The following TVP23A variants were observed in gnomAD, a reference collection of about 807,000 sequenced individuals.
TVP23A encodes the protein trans-golgi network vesicle protein 23 homolog A.
TVP23A carries 21 observed loss-of-function variants against 31.7 expected under a neutral mutation model. The observed-to-expected ratio is 0.66, with a 90% CI of 0.47 to 0.95. The LOEUF (loss-of-function observed/expected upper bound fraction) is 0.95. TVP23A is among the 40% of genes least tolerant of loss of function. The pLI, the probability that TVP23A is intolerant of heterozygous loss-of-function variation, is 0.00. For missense variants in TVP23A, 279 were observed against 255.6 expected, an observed-to-expected ratio of 1.09 and a Z score of -0.62; for synonymous variants, 104 against 96.0, an observed-to-expected ratio of 1.08 and a Z score of -0.49.
At chr16:10,806,479 A>C (rs1216326318) in intron 2 of TVP23A, among the ~76,000 whole-genome samples, 2 of 152,152 alleles carry the variant, frequency 1.3e-5, no homozygotes, top group Non-Finnish European at 2.9e-5. Context: ...GGTCAGCAGA[A>C]ATCACACTTC....
At chr16:10,796,023 A>T (rs2033368387) in intron 2 of TVP23A, among the ~76,000 whole-genome samples, 1 of 152,110 alleles carries the variant, frequency 6.6e-6, no homozygotes, top group East Asian at 1.9e-4. Context: ...ACAGAACAAC[A>T]ACTCGCCTGC....
downstream of TVP23A, among the ~76,000 whole-genome samples, chr16:10,762,854 G>C (rs559946281): frequency 1.3e-5 from 2 of 152,246 alleles, no homozygotes; most frequent in Admixed American, 6.5e-5. Context: ...CTGGAGGCGG[G>C]GAGGGCGGAG....
chr16:10,765,417 G>T (rs372748753), downstream of TVP23A, among the ~76,000 whole-genome samples: 1 of 151,864 alleles, frequency 6.6e-6, no homozygotes, highest in Non-Finnish European at 1.5e-5. This position sits in a 1 kb window ranked among gnomAD's most constrained non-coding sequence, Gnocchi z 4.0. Flanking sequence ...TGAGTTAGCA[G>T]GATCACTTGA....
intron 2 of TVP23A, among the ~76,000 whole-genome samples, chr16:10,817,588 C>A (rs769972579): frequency 6.6e-6 from 1 of 152,230 alleles, no homozygotes. Context: ...GAATAAAACT[C>A]CAAGCTCTCT....
intron 2 of TVP23A, among the ~76,000 whole-genome samples, chr16:10,789,298 T>C (rs1364914270): frequency 5.3e-5 from 8 of 152,112 alleles, no homozygotes; most frequent in African/African-American, 1.2e-4. Flanking sequence ...GAGTGCAGAA[T>C]TCCCCCCCAA....
At chr16:10,760,458 A>T (rs76603015), downstream of TVP23A, among the ~76,000 whole-genome samples, 864 of 152,356 alleles carry the variant, frequency 5.7e-3, 10 homozygotes, top group African/African-American at 0.02. Flanking sequence ...TTAAAAGGTC[A>T]TTTTCAGATA....
At chr16:10,774,573 G>A (rs541410096) in intron 3 of TVP23A, among the ~76,000 whole-genome samples, 67 of 150,290 alleles carry the variant, frequency 4.5e-4, no homozygotes, top group African/African-American at 1.5e-3. Context: ...TTTTTATAAG[G>A]GAAACCCCTC....
At chr16:10,806,383 G>A (rs554684712) in intron 2 of TVP23A, among the ~76,000 whole-genome samples, 2 of 152,168 alleles carry the variant, frequency 1.3e-5, no homozygotes, top group Non-Finnish European at 2.9e-5. Flanking sequence ...CTAGGTCCAT[G>A]CAGTCAAGCT....
At chr16:10,817,850 G>C (rs951548181) in intron 2 of TVP23A, among the ~76,000 whole-genome samples, 3 of 152,106 alleles carry the variant, frequency 2.0e-5, no homozygotes, top group African/African-American at 7.2e-5. Context: ...TCATCACAGG[G>C]CTGATTTTCT....
Position 10,818,778 on chromosome 16 carries a change from G to C in TVP23A, c.-285C>G, listed in dbSNP as rs967963368. On this transcript the variant is annotated 5_prime_UTR_variant, in exon 1 of 8. Transcript: ENST00000299866. This position sits in a 1 kb window ranked among gnomAD's most constrained non-coding sequence, Gnocchi z 4.7. Reference sequence around the variant, plus strand: ...GCAACGGCCTGGGGAACTGCGGACAGAGATAGTGGGAGGAATGGGAGTCGG... The same window carrying C: ...GCAACGGCCTGGGGAACTGCGGACACAGATAGTGGGAGGAATGGGAGTCGG... 6.4e-6 allele frequency: 3 copies of C among 466,356 alleles called. No individual in the cohort carries two copies. The highest frequency in any genetic ancestry group is 1.1e-5 in the Non-Finnish European group (3 of 267,806). The allele number at this position is 466,356 out of a possible 1,614,324, so 28.9% of individuals were successfully genotyped here.
intron 2 of TVP23A, among the ~76,000 whole-genome samples, chr16:10,805,222 G>C (rs889970936): frequency 5.3e-5 from 8 of 151,850 alleles, no homozygotes; most frequent in African/African-American, 1.5e-4. Flanking sequence ...AGTAGAGACA[G>C]GGTTTCACCA....
chr16:10,804,731 G>C (rs549900771), intron 2 of TVP23A, among the ~76,000 whole-genome samples: 1 of 152,250 alleles, frequency 6.6e-6, no homozygotes, highest in South Asian at 2.1e-4. Flanking sequence ...GCGCCACAGA[G>C]CTAGACATTG....
chr16:10,818,243 G>T lies in TVP23A; in HGVS notation c.10-61C>A. 1.3e-6 allele frequency: 1 copy of T among 774,112 alleles called. No individual in the cohort carries two copies. Among genetic ancestry groups the T allele is most frequent in the Non-Finnish European group, 2.0e-6 (1 of 490,698 alleles). 48.0% of individuals were successfully genotyped at this position (774,112 alleles called of 1,614,324 possible). On this transcript the variant is annotated intron_variant, in intron 1 of 7. Coordinates refer to ENST00000299866, the MANE Select transcript of TVP23A (RefSeq NM_001079512.4). This position sits in a 1 kb window ranked among gnomAD's most constrained non-coding sequence, Gnocchi z 4.7. ...CACGGCGCACACCCCAACCCCACCC[G>T]CCCTGTCCTCCTGGGCTTGGACTCC...
chr16:10,777,743 G>A lies in TVP23A; in HGVS notation c.90-2647C>T. ...TAGACAGGATCAAGCCGGGCGTGGT[G>A]GCTCACGCCTGTAATCCCAGCACTT... On this transcript the variant is annotated intron_variant, in intron 2 of 7. Coordinates refer to ENST00000299866, the MANE Select transcript of TVP23A (RefSeq NM_001079512.4). This position sits in a 1 kb window ranked among gnomAD's most constrained non-coding sequence, Gnocchi z 4.5. Among the ~76,000 whole-genome samples, 1 of 152,198 alleles carries A rather than the reference G, an allele frequency of 6.6e-6. No homozygotes were observed. Among genetic ancestry groups the A allele is most frequent in the South Asian group, 2.1e-4 (1 of 4,826 alleles).
chr16:10,791,753 G>A (rs150427509), intron 2 of TVP23A, among the ~76,000 whole-genome samples: 2,614 of 152,232 alleles, frequency 0.017, 33 homozygotes, highest in Middle Eastern at 0.048. Flanking sequence ...GACTACAGGC[G>A]CGTGCCACCA....
intron 2 of TVP23A, among the ~76,000 whole-genome samples, chr16:10,798,535 C>G (rs1596550504): frequency 6.6e-6 from 1 of 152,152 alleles, no homozygotes; most frequent in Non-Finnish European, 1.5e-5. Flanking sequence ...GTCATACCCT[C>G]GTGTAGTCAC....
At chr16:10,776,138 G>A (rs1271504240) in intron 2 of TVP23A, among the ~76,000 whole-genome samples, 1 of 151,666 alleles carries the variant, frequency 6.6e-6, no homozygotes, top group African/African-American at 2.4e-5. Flanking sequence ...ACATTGGGAG[G>A]CCGAGGCGGG....
chr16:10,808,459 C>G (rs187599508), intron 2 of TVP23A: 1 of 452,570 alleles, frequency 2.2e-6, no homozygotes, highest in African/African-American at 2.0e-5. Context: ...GGACAATGAT[C>G]TTCTCAATAT....
At chr16:10,772,716 A>G (rs2031719518) in intron 5 of TVP23A, among the ~76,000 whole-genome samples, 1 of 152,188 alleles carries the variant, frequency 6.6e-6, no homozygotes, top group African/African-American at 2.4e-5. Context: ...AAATCCACAG[A>G]AACAGAAAAA....
Sources: allele counts gnomAD v4.1 joint callset (sites outside exome capture counted in the v4.1 genomes callset), GRCh38; gene constraint gnomAD v4.1.1; non-coding constraint Gnocchi (gnomAD v3.1); transcripts MANE v1.5; gene names NCBI Gene and HGNC (gene_info 2026-07-23, HGNC 2026-07-21).